Variants in C19orf44 observed in about 807,000 individuals in gnomAD.
C19orf44 encodes the protein chromosome 19 open reading frame 44, also known as uncharacterized protein C19orf44.
A neutral mutation model predicts 50.7 loss-of-function variants in C19orf44; 43 were observed. The ratio of observed to expected loss-of-function variants is 0.85; its 90% CI spans 0.66 to 1.09. C19orf44 has a LOEUF of 1.09. C19orf44 is among the 50% of genes least tolerant of loss of function. The pLI, the probability that C19orf44 is intolerant of heterozygous loss-of-function variation, is 0.00. For synonymous variants in C19orf44, 298 were observed against 334.7 expected, an observed-to-expected ratio of 0.89 and a Z score of 1.20; for missense variants, 722 against 836.2, an observed-to-expected ratio of 0.86 and a Z score of 1.68.
intron 6 of C19orf44, among the ~76,000 whole-genome samples, chr19:16,513,944 G>A (rs1219401098): frequency 1.3e-5 from 2 of 151,992 alleles, no homozygotes; most frequent in African/African-American, 2.4e-5. Flanking sequence ...TGTGATACAC[G>A]TAGGGGTCCA....
chr19:16,501,266 TCCTGTCACCG>T lies in C19orf44; in HGVS notation c.475_484del (p.Pro159LysfsTer13). 6.2e-7 allele frequency: 1 copy of T among 1,614,106 alleles called. No individual in the cohort carries two copies. Among genetic ancestry groups the T allele is most frequent in the Non-Finnish European group, 8.5e-7 (1 of 1,180,038 alleles). ...CTTCCCAGAATCAAGCCCGTGAACT[TCCTGTCACCG>T]AAAATAATGCACAGAACGCGAAGGT... On this transcript the variant is annotated frameshift_variant, in exon 2 of 9. Coordinates refer to ENST00000221671, the MANE Select transcript of C19orf44 (RefSeq NM_032207.4). LOFTEE classifies it high-confidence loss of function.
At chr19:16,514,415 C>G in intron 6 of C19orf44, 82 bp from the exon 7 acceptor site, 1 of 1,391,216 alleles carries the variant, frequency 7.2e-7, no homozygotes, top group South Asian at 1.4e-5. Context: ...CAGAGAGCAG[C>G]CTGGCACCTG....
Position 16,514,491 on chromosome 19 carries a change from G to A in C19orf44, c.1736-6G>A. The A allele has an allele frequency of 6.2e-7, 1 of 1,605,708 alleles. No individual in the cohort carries two copies. The highest frequency in any genetic ancestry group is 8.5e-7 in the Non-Finnish European group (1 of 1,176,200). Reference sequence around the variant, plus strand: ...GAAGCCACCGAGTAACGCGGAGCTGGGTCAGCCCTGACCGCTTACAGCCCG... The same window carrying A: ...GAAGCCACCGAGTAACGCGGAGCTGAGTCAGCCCTGACCGCTTACAGCCCG... On this transcript the variant is annotated splice_polypyrimidine_tract_variant and splice_region_variant and intron_variant, in intron 6 of 8. Coordinates refer to ENST00000221671, the MANE Select transcript of C19orf44 (RefSeq NM_032207.4).
At position 16,521,235 on chromosome 19, in the gene C19orf44, A is replaced by G. The variant is rs571318402; in HGVS notation, c.*1182A>G. 4 of 569,058 alleles carry G rather than the reference A, an allele frequency of 7.0e-6. No homozygotes were observed. Among genetic ancestry groups the G allele is most frequent in the Non-Finnish European group, 1.3e-5 (4 of 319,390 alleles). 35.3% of individuals were successfully genotyped at this position (569,058 alleles called of 1,614,324 possible). A position where few individuals can be genotyped will look rare whatever the true frequency, so the allele number is the denominator to read the frequency against. On this transcript the variant is annotated 3_prime_UTR_variant, in exon 9 of 9. Transcript: ENST00000221671. ...CAGCCCAGCACAGGAAGGAGGGGTG[A>G]CCACTGGGAAGGGTGGGCTGAGGGC...
chr19:16,501,007 G>C lies in C19orf44; in HGVS notation c.215G>C (p.Ser72Thr). The change falls in exon 2 of 9, where the codon AGT becomes ACT. Residue 72 changes from serine to threonine, a missense_variant. By Grantham distance (58) the Ser-to-Thr change is moderately conservative (BLOSUM62 1). Transcript: ENST00000221671. ...LLLKENPVLG[S>T]GPRLASCRPP... The stretch of plus-strand genomic sequence containing the variant: ...CTGAAAGAGAACCCTGTGCTCGGGA[G>C]TGGACCCAGGCTTGCCTCATGTAGA... 1 of 1,613,948 alleles carries C rather than the reference G, an allele frequency of 6.2e-7. No homozygotes were observed. The highest frequency in any genetic ancestry group is 8.5e-7 in the Non-Finnish European group (1 of 1,179,944).
rs1335228693 is a variant in C19orf44 at position 16,514,676 on chromosome 19, C to G, written c.1902+13C>G. On this transcript the variant is annotated intron_variant, in intron 7 of 8. Coordinates refer to ENST00000221671, the MANE Select transcript of C19orf44 (RefSeq NM_032207.4). ...GGAAGCCAAAGAGGTGAGCGCAGCT[C>G]CCCATGGGCAGGGGCAGGGCAGTAG... is the stretch of plus-strand genomic sequence containing the variant. 1 of 1,553,658 alleles carries G rather than the reference C, an allele frequency of 6.4e-7. No individual in the cohort carries two copies. Among genetic ancestry groups the G allele is most frequent in the Non-Finnish European group, 8.7e-7 (1 of 1,148,558 alleles).
At chr19:16,517,386 T>C (rs2085548469) in intron 8 of C19orf44, 45 bp downstream of exon 8, 20 of 1,364,502 alleles carry the variant, frequency 1.5e-5, no homozygotes, top group Non-Finnish European at 2.0e-5. Context: ...CACACAAACA[T>C]AGAGCTCATC....
Position 16,501,059 on chromosome 19 carries a change from A to C in C19orf44, c.267A>C (p.Arg89=). The C allele has an allele frequency of 1.2e-6, 2 of 1,614,070 alleles. No individual in the cohort carries two copies. Among genetic ancestry groups the C allele is most frequent in the African/African-American group, 1.3e-5 (1 of 75,026 alleles). ...CGCCCACCACTGCCTCCAGGATCCG[A>C]GCCAATGCCGCACTCATGAAGCTGG... ...CRPPTTASRI[R]ANAALMKLAQ... The change falls in exon 2 of 9, where the codon CGA becomes CGC. Residue 89 remains arginine, a synonymous_variant. Coordinates refer to ENST00000221671, the MANE Select transcript of C19orf44 (RefSeq NM_032207.4).
Position 16,496,482 on chromosome 19 carries a change from G to T in C19orf44, c.-2+17G>T. The T allele has an allele frequency of 3.0e-6, 1 of 337,948 alleles. No individual in the cohort carries two copies. Among genetic ancestry groups the T allele is most frequent in the Non-Finnish European group, 5.7e-6 (1 of 175,234 alleles). The allele number at this position is 337,948 out of a possible 1,614,324, so 20.9% of individuals were successfully genotyped here. ...TGGGAAGAGGTCGGCAGGGCTGGTGGGGAGGTGACCTAGCTGGGCGTCCGG... is the reference window on the plus strand; with the variant it reads ...TGGGAAGAGGTCGGCAGGGCTGGTGTGGAGGTGACCTAGCTGGGCGTCCGG... On this transcript the variant is annotated intron_variant, in intron 1 of 8. Transcript: ENST00000221671.
At position 16,519,010 on chromosome 19, in the gene C19orf44, T is replaced by C. The variant is rs761523635; in HGVS notation, c.*41-1084T>C. ...TGGAGCACGGCGTTCCCACTGGGCA[T>C]GCGCTGGTCTTCCTTCTCTTCCTGT... On this transcript the variant is annotated intron_variant, in intron 8 of 8. Coordinates refer to ENST00000221671, the MANE Select transcript of C19orf44 (RefSeq NM_032207.4). The surrounding 1 kb of genome is among the most constrained non-coding windows in gnomAD (Gnocchi z 6.0). 32 of 750,986 alleles carry C rather than the reference T, an allele frequency of 4.3e-5. No individual in the cohort carries two copies. The highest frequency in any genetic ancestry group is 1.1e-4 in the South Asian group (6 of 53,982). 46.5% of individuals were successfully genotyped at this position (750,986 alleles called of 1,614,324 possible).
chr19:16,498,918 C>T (rs1378071615), intron 1 of C19orf44, among the ~76,000 whole-genome samples: 2 of 151,284 alleles, frequency 1.3e-5, no homozygotes, highest in African/African-American at 4.9e-5. Context: ...GATCCGCCCA[C>T]CTCGGCCTCC....
chr19:16,520,679 G>GC lies in C19orf44; in HGVS notation c.*626_*627insC, dbSNP rs2085604792. On this transcript the variant is annotated 3_prime_UTR_variant, in exon 9 of 9. Coordinates refer to ENST00000221671, the MANE Select transcript of C19orf44 (RefSeq NM_032207.4). The surrounding 1 kb of genome is among the most constrained non-coding windows in gnomAD (Gnocchi z 4.0). ...AAATAGTGTGGCCGAGCCTGCTGCT[G>GC]TGTGAATTCAGGCCTTGTGGAAAAC... The GC allele has an allele frequency of 8.9e-7, 1 of 1,129,354 alleles. No individual in the cohort carries two copies. Among genetic ancestry groups the GC allele is most frequent in the Non-Finnish European group, 1.3e-6 (1 of 766,564 alleles). The allele number at this position is 1,129,354 out of a possible 1,614,324, so 70.0% of individuals were successfully genotyped here. A position where few individuals can be genotyped will look rare whatever the true frequency, so the allele number is the denominator to read the frequency against.
At chr19:16,515,272 A>G (rs1207228547) in intron 7 of C19orf44, among the ~76,000 whole-genome samples, 3 of 152,106 alleles carry the variant, frequency 2.0e-5, no homozygotes, top group Non-Finnish European at 4.4e-5. Flanking sequence ...GAGGCAGGAG[A>G]GTCGCTTGAA....
At chr19:16,498,390 C>T (rs1270911866) in intron 1 of C19orf44, among the ~76,000 whole-genome samples, 1 of 152,098 alleles carries the variant, frequency 6.6e-6, no homozygotes, top group African/African-American at 2.4e-5. Flanking sequence ...CTCAAGCAAT[C>T]CTCCCACCTC....
At position 16,521,342 on chromosome 19, in the gene C19orf44, CTTCA is replaced by C. The variant is rs1051546973; in HGVS notation, c.*1292_*1295del. Reference sequence around the variant, plus strand: ...TCTGATGTGTCTCCATTAAAACGCCCTTCATTGAGGGCCACGTGTGTGCTGTGCC... The same window carrying C: ...TCTGATGTGTCTCCATTAAAACGCCCTTGAGGGCCACGTGTGTGCTGTGCC... On this transcript the variant is annotated 3_prime_UTR_variant, in exon 9 of 9. Transcript: ENST00000221671. 2.3e-5 allele frequency: 14 copies of C among 600,492 alleles called. No individual in the cohort carries two copies. The highest frequency in any genetic ancestry group is 5.8e-5 in the East Asian group (2 of 34,740). 37.2% of individuals were successfully genotyped at this position (600,492 alleles called of 1,614,324 possible).
At position 16,512,570 on chromosome 19, in the gene C19orf44, G is replaced by A. The variant is rs192180937; in HGVS notation, c.1640-444G>A. On this transcript the variant is annotated intron_variant, in intron 5 of 8. Coordinates refer to ENST00000221671, the MANE Select transcript of C19orf44 (RefSeq NM_032207.4). ...CCTTGGGAAATACTTGAAAGGGGAA[G>A]AGGGTAAAAAAAAGTAAAGAAGGGC... Among the ~76,000 whole-genome samples, 7 of 152,086 alleles carry A rather than the reference G, an allele frequency of 4.6e-5. No homozygotes were observed. The East Asian group carries it at 1.2e-3, about 25-fold the overall frequency.
At chr19:16,517,176 CAG>C (rs2085543928) in intron 7 of C19orf44, 52 bp from the exon 8 acceptor site, 1 of 1,537,774 alleles carries the variant, frequency 6.5e-7, no homozygotes, top group Non-Finnish European at 9.0e-7. Context: ...CACCCTGTCT[CAG>C]AGTGTACTGA....
chr19:16,507,164 C>T (rs1391232616), intron 4 of C19orf44, among the ~76,000 whole-genome samples: 15 of 152,220 alleles, frequency 9.9e-5, no homozygotes, highest in East Asian at 7.7e-4. Flanking sequence ...TGTAATGCAC[C>T]GGGTGGCCCC....
intron 3 of C19orf44, among the ~76,000 whole-genome samples, chr19:16,505,705 C>T (rs117517258): frequency 0.034 from 5,151 of 152,012 alleles, 111 homozygotes; most frequent in Non-Finnish European, 0.05. Context: ...ATTTTTGAGA[C>T]GGAGCCTTGC....
Sources: gnomAD v4.1 joint callset for allele counts (sites outside exome capture counted in the v4.1 genomes callset) on GRCh38, gnomAD v4.1.1 for gene constraint, Gnocchi (gnomAD v3.1) non-coding constraint, MANE v1.5 for transcripts, NCBI Gene and HGNC (gene_info 2026-07-23, HGNC 2026-07-21) for gene names.